Variants in RNF121 observed in about 807,000 individuals in gnomAD.
RNF121 encodes E3 ubiquitin ligase RNF121.
In RNF121, 21 loss-of-function variants were observed where a neutral mutation model predicts 46.5. The observed-to-expected ratio is 0.45, with a 90% CI of 0.32 to 0.65. The LOEUF is 0.65. RNF121 is among the 30% of genes least tolerant of loss of function. The pLI, the probability that RNF121 is intolerant of heterozygous loss-of-function variation, is 0.04. For synonymous variants in RNF121, 139 were observed against 144.7 expected (o/e 0.96, Z 0.28); for missense variants, 346 against 416.0 (o/e 0.83, Z 1.46).
At position 71,970,220 on chromosome 11, in the gene RNF121, G is replaced by A. The variant is rs534215443; in HGVS notation, c.243+9329G>A. ...TAGAATGATGGCTAGGGAGTAGGGG[G>A]AATTAGGGCCTATAGAGCTTCCATT... On this transcript the variant is annotated intron_variant, in intron 3 of 8. Transcript: ENST00000361756. Among the ~76,000 whole-genome samples, 9 of 152,214 alleles carry A rather than the reference G, an allele frequency of 5.9e-5. No individual in the cohort carries two copies. The South Asian group carries it at 1.9e-3, about 32-fold the overall frequency.
intron 1 of RNF121, among the ~76,000 whole-genome samples, chr11:71,940,944 A>G (rs530142965): frequency 5.9e-5 from 9 of 152,384 alleles, no homozygotes; most frequent in Admixed American, 5.9e-4. Context: ...ATGAAAAGAT[A>G]TGCAAGGCTT....
Position 71,930,680 on chromosome 11 carries a change from T to C in RNF121, c.63+1556T>C, listed in dbSNP as rs1209278398. Among the ~76,000 whole-genome samples the C allele has an allele frequency of 9.2e-5, 14 of 152,134 alleles. 1 individual carries two copies. The highest frequency in any genetic ancestry group is 9.2e-4 in the Admixed American group (14 of 15,276). ...CAGTGAGATATATTTGAAGACACTTTGGAAAGGGTAAATACTGTATTGAAG... is the reference window on the plus strand; with the variant it reads ...CAGTGAGATATATTTGAAGACACTTCGGAAAGGGTAAATACTGTATTGAAG... On this transcript the variant is annotated intron_variant, in intron 1 of 8. Coordinates refer to ENST00000361756, the MANE Select transcript of RNF121 (RefSeq NM_018320.5).
intron 3 of RNF121, among the ~76,000 whole-genome samples, chr11:71,963,483 G>C (rs1954189741): frequency 6.6e-6 from 1 of 152,098 alleles, no homozygotes; most frequent in Non-Finnish European, 1.5e-5. Flanking sequence ...AGCTGGGCGT[G>C]GTGGCACGTG....
chr11:71,982,712 G>T (rs753391519), intron 3 of RNF121, 49 bp from the exon 4 acceptor site: 1 of 1,555,482 alleles, frequency 6.4e-7, no homozygotes, highest in Non-Finnish European at 8.7e-7. Context: ...TGTGGACAGA[G>T]CTGCAGAGGG....
intron 1 of RNF121, among the ~76,000 whole-genome samples, chr11:71,955,302 G>A (rs565254336): frequency 6.6e-6 from 1 of 152,260 alleles, no homozygotes; most frequent in South Asian, 2.1e-4. Context: ...ATAGAACAGT[G>A]CTTCTCAAAT....
intron 3 of RNF121, among the ~76,000 whole-genome samples, chr11:71,972,610 C>T (rs1954442704): frequency 6.6e-6 from 1 of 151,734 alleles, no homozygotes; most frequent in Non-Finnish European, 1.5e-5. Flanking sequence ...GGGGGCTGTC[C>T]TGTATATTAT....
At chr11:71,995,194 C>A in intron 7 of RNF121, 1 of 575,712 alleles carries the variant, frequency 1.7e-6, no homozygotes, top group Non-Finnish European at 3.1e-6. Context: ...TAATATTTAT[C>A]ATGTATTTAC....
At chr11:71,960,944 C>G in intron 3 of RNF121, 53 bp downstream of exon 3, 1 of 1,591,232 alleles carries the variant, frequency 6.3e-7, no homozygotes, top group East Asian at 2.2e-5. Context: ...AGAGACCCTT[C>G]CTAAGTATTC....
At chr11:71,945,761 A>G (rs1196129979) in intron 1 of RNF121, among the ~76,000 whole-genome samples, 2 of 151,550 alleles carry the variant, frequency 1.3e-5, no homozygotes, top group African/African-American at 4.9e-5. Context: ...GTATTTGTCT[A>G]TAGAAGATAT....
intron 3 of RNF121, among the ~76,000 whole-genome samples, chr11:71,979,856 CTA>C (rs1954609571): frequency 6.6e-6 from 1 of 152,176 alleles, no homozygotes; most frequent in Admixed American, 6.5e-5. Context: ...TGTGACCAGA[CTA>C]TGTGATTTAA....
At chr11:71,961,331 T>G (rs1288372827) in intron 3 of RNF121, among the ~76,000 whole-genome samples, 1 of 152,008 alleles carries the variant, frequency 6.6e-6, no homozygotes, top group Non-Finnish European at 1.5e-5. Flanking sequence ...GAGATTGAGG[T>G]GGGCAGATGG....
Position 71,987,190 on chromosome 11 carries a change from G to A in RNF121, c.506+79G>A, listed in dbSNP as rs909260734. Reference sequence around the variant, plus strand: ...AGATGTACCTCTTGTTGCAAGTCGTGGTTATTAACAGGAGGGACGTAATAT... The same window carrying A: ...AGATGTACCTCTTGTTGCAAGTCGTAGTTATTAACAGGAGGGACGTAATAT... On this transcript the variant is annotated intron_variant, in intron 5 of 8. Coordinates refer to ENST00000361756, the MANE Select transcript of RNF121 (RefSeq NM_018320.5). 3.2e-6 allele frequency: 3 copies of A among 948,578 alleles called. 1 individual carries two copies. The highest frequency in any genetic ancestry group is 1.7e-6 in the Non-Finnish European group (1 of 583,798). The allele number at this position is 948,578 out of a possible 1,614,324, so 58.8% of individuals were successfully genotyped here.
chr11:71,975,305 T>G (rs1243382984), intron 3 of RNF121, among the ~76,000 whole-genome samples: 1 of 152,228 alleles, frequency 6.6e-6, no homozygotes, highest in East Asian at 1.9e-4. Flanking sequence ...TGTGGTATCT[T>G]TATCAGCCTC....
intron 6 of RNF121, among the ~76,000 whole-genome samples, chr11:71,993,765 C>G (rs1441032463): frequency 6.6e-6 from 1 of 151,688 alleles, no homozygotes; most frequent in Non-Finnish European, 1.5e-5. Context: ...TGAGGACATG[C>G]CAAACTCTTT....
At chr11:71,995,674 T>C (rs878873531) in intron 8 of RNF121, 123 bp downstream of exon 8, 1 of 732,984 alleles carries the variant, frequency 1.4e-6, no homozygotes, top group Non-Finnish European at 2.4e-6. Flanking sequence ...TGTCAAACCA[T>C]GGTGGGAAGC....
chr11:71,952,678 G>A (rs1403055358), intron 1 of RNF121, among the ~76,000 whole-genome samples: 4 of 151,844 alleles, frequency 2.6e-5, no homozygotes, highest in African/African-American at 4.8e-5. Flanking sequence ...GCGTGGTGGC[G>A]CATGCCTGTA....
At chr11:71,953,269 A>G (rs895478114) in intron 1 of RNF121, among the ~76,000 whole-genome samples, 1 of 152,182 alleles carries the variant, frequency 6.6e-6, no homozygotes. Context: ...CCTGGCCTCA[A>G]GAGATCCTCT....
intron 1 of RNF121, among the ~76,000 whole-genome samples, chr11:71,949,397 G>A (rs1301987048): frequency 1.3e-5 from 2 of 152,060 alleles, no homozygotes; most frequent in East Asian, 1.9e-4. Flanking sequence ...CAGCTTGGGC[G>A]ACAGAGTGAG....
intron 6 of RNF121, among the ~76,000 whole-genome samples, chr11:71,993,647 G>A (rs993399432): frequency 2.0e-5 from 3 of 152,164 alleles, no homozygotes; most frequent in Middle Eastern, 3.4e-3. Context: ...TGTGAGTAAC[G>A]CTGTGAGCAC....
Sources: allele counts gnomAD v4.1 joint callset (sites outside exome capture counted in the v4.1 genomes callset), GRCh38; gene constraint gnomAD v4.1.1; transcripts MANE v1.5; gene names NCBI Gene and HGNC (gene_info 2026-07-23, HGNC 2026-07-21).